Variants in HMGCLL1 observed in about 807,000 individuals in gnomAD.
HMGCLL1 encodes 3-hydroxy-3-methylglutaryl-CoA lyase like 1, also known as 3-hydroxymethyl-3-methylglutaryl-CoA lyase, cytoplasmic.
A neutral mutation model predicts 39.1 loss-of-function variants in HMGCLL1; 36 were observed. The ratio of observed to expected loss-of-function variants is 0.92; its 90% confidence interval spans 0.71 to 1.22. HMGCLL1 has a LOEUF of 1.22. Ranked by LOEUF, HMGCLL1 falls within the 50% of genes most tolerant of loss-of-function variation. HMGCLL1 has a pLI of 0.00. For missense variants in HMGCLL1, 451 were observed against 416.5 expected (o/e 1.08, Z -0.72); for synonymous variants, 149 against 144.0 (o/e 1.03, Z -0.25).
chr6:55,485,951 T>C (rs1766004473), intron 7 of HMGCLL1, among the ~76,000 whole-genome samples: 1 of 151,470 alleles, frequency 6.6e-6, no homozygotes, highest in Non-Finnish European at 1.5e-5. Flanking sequence ...AATAAAATAT[T>C]AGAAATAAGA....
intron 7 of HMGCLL1, among the ~76,000 whole-genome samples, chr6:55,445,450 GTTC>G (rs1561884580): frequency 6.6e-6 from 1 of 151,892 alleles, no homozygotes; most frequent in Non-Finnish European, 1.5e-5. Flanking sequence ...TTTATTATTA[GTTC>G]TTTATTATAA....
chr6:55,501,287 C>G (rs1766871050), intron 5 of HMGCLL1, among the ~76,000 whole-genome samples: 1 of 151,824 alleles, frequency 6.6e-6, no homozygotes, highest in South Asian at 2.1e-4. Context: ...GCCCAGAGAC[C>G]AAATCCTGCC....
chr6:55,608,723 T>C, the HMGCLL1 span, among the ~76,000 whole-genome samples: 1 of 152,236 alleles, frequency 6.6e-6, no homozygotes, highest in Non-Finnish European at 1.5e-5. Flanking sequence ...ATTATAAATC[T>C]ACTTGAACAA....
intron 7 of HMGCLL1, among the ~76,000 whole-genome samples, chr6:55,485,966 T>C (rs1329384364): frequency 6.6e-6 from 1 of 151,470 alleles, no homozygotes; most frequent in African/African-American, 2.4e-5. Context: ...ATAAGAATGT[T>C]CATTAAAATT....
intron 1 of HMGCLL1, chr6:55,566,596 T>C (rs776508026): frequency 2.4e-5 from 11 of 456,070 alleles, no homozygotes; most frequent in South Asian, 1.4e-4. Flanking sequence ...CCTGAGGGGA[T>C]CATTACATCC....
the HMGCLL1 span, among the ~76,000 whole-genome samples, chr6:55,615,980 C>T: frequency 6.6e-6 from 1 of 152,040 alleles, no homozygotes; most frequent in Non-Finnish European, 1.5e-5. Flanking sequence ...ACTTACATTC[C>T]CTTAAAATTT....
chr6:55,666,951 G>A, the HMGCLL1 span, among the ~76,000 whole-genome samples: 1 of 150,110 alleles, frequency 6.7e-6, no homozygotes, highest in Non-Finnish European at 1.5e-5. Flanking sequence ...TTTTTCAAAA[G>A]TTTGGGCTCC....
At chr6:55,544,808 A>T (rs1769866311) in intron 1 of HMGCLL1, among the ~76,000 whole-genome samples, 2 of 152,154 alleles carry the variant, frequency 1.3e-5, no homozygotes, top group African/African-American at 2.4e-5. Flanking sequence ...AAAGCAACCT[A>T]GAAGAAAAAG....
chr6:55,543,305 GATATATA>G (rs1181248072), intron 1 of HMGCLL1, among the ~76,000 whole-genome samples: 4 of 7,536 alleles, frequency 5.3e-4, no homozygotes, highest in South Asian at 9.8e-3. Context: ...TATCATATAT[GATATATA>G]ATATATAATA....
chr6:55,500,168 G>T (rs6917354), intron 5 of HMGCLL1, among the ~76,000 whole-genome samples: 18,001 of 151,912 alleles, frequency 0.12, 1,364 homozygotes, highest in African/African-American at 0.23. Flanking sequence ...ATCGAATATG[G>T]GGGTCACAAT....
At chr6:55,625,168 T>A in the HMGCLL1 span, among the ~76,000 whole-genome samples, 1 of 152,092 alleles carries the variant, frequency 6.6e-6, no homozygotes, top group Non-Finnish European at 1.5e-5. Context: ...GAGAGATAGC[T>A]CCTGGCCTGT....
At chr6:55,588,873 G>A in the HMGCLL1 span, among the ~76,000 whole-genome samples, 3 of 152,244 alleles carry the variant, frequency 2.0e-5, no homozygotes, top group Non-Finnish European at 4.4e-5. Context: ...TTGAATCTCT[G>A]AATAGACCAA....
the HMGCLL1 span, among the ~76,000 whole-genome samples, chr6:55,612,005 A>G: frequency 6.6e-6 from 1 of 152,204 alleles, no homozygotes; most frequent in Non-Finnish European, 1.5e-5. Context: ...GGAAGAGAGG[A>G]AGTAAAATTG....
At chr6:55,628,849 G>A in the HMGCLL1 span, among the ~76,000 whole-genome samples, 1 of 152,162 alleles carries the variant, frequency 6.6e-6, no homozygotes, top group Non-Finnish European at 1.5e-5. Context: ...TGCCATCCAA[G>A]TAAGACTTGA....
At chr6:55,519,864 A>G (rs1767946717) in intron 3 of HMGCLL1, among the ~76,000 whole-genome samples, 1 of 152,124 alleles carries the variant, frequency 6.6e-6, no homozygotes, top group Admixed American at 6.6e-5. Flanking sequence ...TTAATCTACA[A>G]TAAATATAGA....
chr6:55,442,721 T>C (rs1015240698), intron 7 of HMGCLL1, among the ~76,000 whole-genome samples: 1 of 152,276 alleles, frequency 6.6e-6, no homozygotes, highest in East Asian at 1.9e-4. Flanking sequence ...ATTTCTCACA[T>C]AATGATCTGA....
chr6:55,678,712 T>C, the HMGCLL1 span, among the ~76,000 whole-genome samples: 3 of 152,200 alleles, frequency 2.0e-5, no homozygotes, highest in Admixed American at 6.5e-5. Flanking sequence ...TTTGTTACTA[T>C]CATTTGGCAT....
At chr6:55,613,202 A>T in the HMGCLL1 span, among the ~76,000 whole-genome samples, 8 of 152,222 alleles carry the variant, frequency 5.3e-5, no homozygotes, top group Non-Finnish European at 7.3e-5. Context: ...AAAGGTCAAC[A>T]TCACTTATCA....
chr6:55,527,907 T>C (rs890802299), intron 3 of HMGCLL1, among the ~76,000 whole-genome samples: 2 of 152,054 alleles, frequency 1.3e-5, no homozygotes, highest in African/African-American at 4.8e-5. Flanking sequence ...GGTATGTCTT[T>C]TTATTGGTAC....
Sources: allele counts gnomAD v4.1 joint callset (sites outside exome capture counted in the v4.1 genomes callset), GRCh38; gene constraint gnomAD v4.1.1; transcripts MANE v1.5; gene names NCBI Gene and HGNC (gene_info 2026-07-23, HGNC 2026-07-21).